The following PLCH2 variants were observed in gnomAD, a reference collection of about 807,000 sequenced individuals.
The protein encoded by PLCH2 is 1-phosphatidylinositol 4,5-bisphosphate phosphodiesterase eta-2.
PLCH2 carries 98 observed loss-of-function variants against 134.7 expected under a neutral mutation model. The observed-to-expected ratio is 0.73, with a 90% CI of 0.62 to 0.86. The LOEUF (loss-of-function observed/expected upper bound fraction) is 0.86. PLCH2 is among the 40% of genes least tolerant of loss of function. PLCH2 has a pLI of 0.00. For synonymous variants in PLCH2, 974 were observed against 827.5 expected (o/e 1.18, Z -3.04); for missense variants, 1,994 against 1,986.6 (o/e 1.00, Z -0.07).
intron 2 of PLCH2, among the ~76,000 whole-genome samples, chr1:2,450,965 G>A (rs890466139): frequency 1.3e-5 from 2 of 151,656 alleles, no homozygotes; most frequent in Non-Finnish European, 2.9e-5. Flanking sequence ...TTGTAGAGAA[G>A]GAGGGACAGC....
Position 2,487,368 on chromosome 1 carries a change from G to A in PLCH2, c.1106G>A (p.Cys369Tyr). Residue 369 changes from cysteine (C) to tyrosine (Y), a missense_variant, in exon 7 of 22, where the codon TGC becomes TAC. Coordinates refer to ENST00000378486, the MANE Select transcript of PLCH2 (RefSeq NM_014638.4). ...TGGGTCCTGCAGGCTGGCTGCCGCTGCGTGGAGGGTAAGCCCTGGACCTTG... is the reference window on the plus strand; with the variant it reads ...TGGGTCCTGCAGGCTGGCTGCCGCTACGTGGAGGGTAAGCCCTGGACCTTG... ...YAWVLQAGCR[C>Y]VEVDCWDGPD... The A allele has an allele frequency of 5.0e-6, 8 of 1,612,660 alleles. No individual in the cohort carries two copies. The highest frequency in any genetic ancestry group is 6.8e-6 in the Non-Finnish European group (8 of 1,179,410).
upstream of PLCH2, among the ~76,000 whole-genome samples, chr1:2,474,005 G>A (rs776945561): frequency 1.3e-5 from 2 of 152,154 alleles, no homozygotes; most frequent in Non-Finnish European, 2.9e-5. Flanking sequence ...GGGCCCCTGT[G>A]TGGAACCACA....
rs1469051110 is a variant in PLCH2, at chr1:2,498,416, AG to A, written c.2225-106del. 2.8e-5 allele frequency: 36 copies of A among 1,307,972 alleles called. No homozygotes were observed. Among genetic ancestry groups the A allele is most frequent in the Middle Eastern group, 5.5e-4 (2 of 3,648 alleles). 81.0% of individuals were successfully genotyped at this position (1,307,972 alleles called of 1,614,324 possible). A position where few individuals can be genotyped will look rare whatever the true frequency, so the allele number is the denominator to read the frequency against. The stretch of plus-strand genomic sequence containing the variant: ...CCTCCCTCCCCCTGGCACCGGCTCC[AG>A]TCTCCTATGTGGGGGCTGGGGAGGG... On this transcript the variant is annotated intron_variant, in intron 16 of 21. Transcript: ENST00000378486. The surrounding 1 kb of genome is among the most constrained non-coding windows in gnomAD (Gnocchi z 5.4).
At position 2,491,332 on chromosome 1, in the gene PLCH2, C is replaced by T; in HGVS notation, c.1656C>T (p.Arg552=). ...STLSPSGKLG[R]KSKAEEDVES... is the part of the protein sequence containing the mutation. ...TGTCCCCATCTGGAAAGCTCGGACG[C>T]AAGGTAGAGGCCAAAAAGGTGACAC... The change falls in exon 11 of 22, where the codon CGC becomes CGT. Residue 552 remains arginine (R), a synonymous_variant. Transcript: ENST00000378486. 1.2e-6 allele frequency: 2 copies of T among 1,612,310 alleles called. No individual in the cohort carries two copies. Among genetic ancestry groups the T allele is most frequent in the Non-Finnish European group, 1.7e-6 (2 of 1,179,514 alleles).
rs1643011700 is a variant in PLCH2 at position 2,498,387 on chromosome 1, C to G, written c.2225-136C>G. ...CCCGAGGTGCCCCCCTGGACCACTG[C>G]CTCCCTCCCTCCCCCTGGCACCGGC... On this transcript the variant is annotated intron_variant, in intron 16 of 21. Transcript: ENST00000378486. The surrounding 1 kb of genome is among the most constrained non-coding windows in gnomAD (Gnocchi z 5.4). 4 of 963,834 alleles carry G rather than the reference C, an allele frequency of 4.2e-6. No individual in the cohort carries two copies. Among genetic ancestry groups the G allele is most frequent in the Non-Finnish European group, 4.6e-6 (3 of 658,286 alleles). The allele number at this position is 963,834 out of a possible 1,614,324, so 59.7% of individuals were successfully genotyped here.
chr1:2,464,130 C>A (rs1640949588), upstream of PLCH2, among the ~76,000 whole-genome samples: 1 of 152,214 alleles, frequency 6.6e-6, no homozygotes, highest in Admixed American at 6.5e-5. Flanking sequence ...CAGGGTGCTG[C>A]CCACTGTCCA....
upstream of PLCH2, among the ~76,000 whole-genome samples, chr1:2,475,076 T>A (rs1177190604): frequency 6.6e-6 from 1 of 152,040 alleles, no homozygotes; most frequent in Non-Finnish European, 1.5e-5. Flanking sequence ...GGTGGGGGCC[T>A]GGGTTGGCTC....
rs894895969 is a variant in PLCH2, at chr1:2,502,555, G to A, written c.2959+146G>A. 5.6e-6 allele frequency: 5 copies of A among 898,544 alleles called. No individual in the cohort carries two copies. In the African/African-American group the frequency reaches 8.3e-5, roughly 15 times the overall value. 55.7% of individuals were successfully genotyped at this position (898,544 alleles called of 1,614,324 possible). ...GCGCCGGCGTGAACACCGGGGGCCT[G>A]CAGAGGGAGCGGCCACCCAGCCCGG... On this transcript the variant is annotated intron_variant, in intron 21 of 21. Coordinates refer to ENST00000378486, the MANE Select transcript of PLCH2 (RefSeq NM_014638.4).
At chr1:2,452,665 G>A (rs1159290119) in intron 2 of PLCH2, among the ~76,000 whole-genome samples, 2 of 152,222 alleles carry the variant, frequency 1.3e-5, no homozygotes, top group Admixed American at 1.3e-4. Flanking sequence ...TAATTCACAG[G>A]CCCTGGGGAC....
upstream of PLCH2, among the ~76,000 whole-genome samples, chr1:2,471,719 A>G (rs1039217476): frequency 7.9e-5 from 12 of 152,142 alleles, no homozygotes; most frequent in Non-Finnish European, 1.6e-4. Flanking sequence ...ATGGCTGGCC[A>G]TCGAGAACCT....
chr1:2,504,006 G>C lies in PLCH2; in HGVS notation c.3044G>C (p.Gly1015Ala). The stretch of plus-strand genomic sequence containing the variant: ...GCTGAGGAGCCCGCCCCAGGCCCTG[G>C]TCCCCCGCCACCAGCGGCTGTCCCC... ...TIAEEPAPGP[G>A]PPPPAAVPTS... The change falls in exon 22 of 22, where the codon GGT becomes GCT. Residue 1015 changes from glycine to alanine, a missense_variant. Coordinates refer to ENST00000378486, the MANE Select transcript of PLCH2 (RefSeq NM_014638.4). The C allele has an allele frequency of 1.3e-6, 2 of 1,525,180 alleles. No homozygotes were observed. The highest frequency in any genetic ancestry group is 2.5e-5 in the East Asian group (1 of 40,714). 94.5% of individuals were successfully genotyped at this position (1,525,180 alleles called of 1,614,324 possible). A position where few individuals can be genotyped will look rare whatever the true frequency, so the allele number is the denominator to read the frequency against.
chr1:2,424,593 A>G (rs564603478), upstream of PLCH2, among the ~76,000 whole-genome samples: 152 of 152,294 alleles, frequency 1.0e-3, no homozygotes, highest in African/African-American at 3.6e-3. Context: ...GCTCACAGCT[A>G]TAATCCCAGC....
At chr1:2,468,371 C>T (rs1254139810) in intron 1 of PLCH2, among the ~76,000 whole-genome samples, 2 of 152,270 alleles carry the variant, frequency 1.3e-5, no homozygotes, top group Admixed American at 1.3e-4. Context: ...CATTGCCCTG[C>T]GCAGACAGAG....
rs769595821 is a variant in PLCH2 at position 2,496,668 on chromosome 1, A to T, written c.1897A>T (p.Thr633Ser). The change falls in exon 14 of 22, where the codon ACC becomes TCC. Residue 633 changes from threonine to serine, a missense_variant. By Grantham distance (58) the Thr-to-Ser change is moderately conservative. This residue lies in a region of PLCH2 where 1,094 missense variants were observed against 1,234.3 expected (regional missense o/e 0.89). Coordinates refer to ENST00000378486, the MANE Select transcript of PLCH2 (RefSeq NM_014638.4). Reference protein sequence around the residue: ...SRALSDLVKYTKSVATHDIEM... With the variant: ...SRALSDLVKYSKSVATHDIEM... ...GGCCCTCTCTGACCTGGTGAAGTAC[A>T]CCAAGTCCGTGGCCACCCACGACAT... The T allele has an allele frequency of 6.2e-7, 1 of 1,612,174 alleles. No homozygotes were observed. The highest frequency in any genetic ancestry group is 8.5e-7 in the Non-Finnish European group (1 of 1,179,496).
At position 2,490,010 on chromosome 1, in the gene PLCH2, G is replaced by A. The variant is rs1034563301; in HGVS notation, c.1515+143G>A. ...GGGCAGATTCGCACAGCGGCCTGGG[G>A]CCTGGGGGGTCCTCCCTGCCCACCC... On this transcript the variant is annotated intron_variant, in intron 10 of 21. Coordinates refer to ENST00000378486, the MANE Select transcript of PLCH2 (RefSeq NM_014638.4). 1.5e-5 allele frequency: 10 copies of A among 658,544 alleles called. No homozygotes were observed. The Admixed American group carries it at 2.1e-4, about 14-fold the overall frequency. 40.8% of individuals were successfully genotyped at this position (658,544 alleles called of 1,614,324 possible). A position where few individuals can be genotyped will look rare whatever the true frequency, so the allele number is the denominator to read the frequency against.
At position 2,480,406 on chromosome 1, in the gene PLCH2, G is replaced by A. The variant is rs2100655327; in HGVS notation, c.645+94G>A. 3 of 1,408,582 alleles carry A rather than the reference G, an allele frequency of 2.1e-6. No homozygotes were observed. The East Asian group carries it at 6.9e-5, about 32-fold the overall frequency. 87.3% of individuals were successfully genotyped at this position (1,408,582 alleles called of 1,614,324 possible). ...GGAGCCTGCCAGCCCTGACTGAGCT[G>A]GAGGGGACCCTGGCAGTGCCCTCAA... On this transcript the variant is annotated intron_variant, in intron 4 of 21. Coordinates refer to ENST00000378486, the MANE Select transcript of PLCH2 (RefSeq NM_014638.4).
intron 2 of PLCH2, among the ~76,000 whole-genome samples, chr1:2,433,543 G>C (rs958984340): frequency 1.3e-5 from 2 of 152,202 alleles, no homozygotes; most frequent in African/African-American, 4.8e-5. Flanking sequence ...GGCTGGCACA[G>C]GTGGGAACGG....
Position 2,504,655 on chromosome 1 carries a change from C to G in PLCH2, c.3693C>G (p.Leu1231=), listed in dbSNP as rs777971223. The change falls in exon 22 of 22, where the codon CTC becomes CTG. Residue 1231 remains leucine (L), a synonymous_variant. Transcript: ENST00000378486. ...PRSLAPRMAG[L]PFRPPWGCLS... The stretch of plus-strand genomic sequence containing the variant: ...CCCTGGCCCCAAGGATGGCTGGCCT[C>G]CCCTTCCGGCCTCCCTGGGGCTGCC... 3.1e-6 allele frequency: 5 copies of G among 1,612,462 alleles called. No individual in the cohort carries two copies. The highest frequency in any genetic ancestry group is 1.1e-5 in the South Asian group (1 of 91,088).
At position 2,442,903 on chromosome 1, in the gene PLCH2, G is replaced by T. The variant is rs72644621; in HGVS notation, c.115+12274G>T. On this transcript the variant is annotated intron_variant, in intron 2 of 3. Transcript: ENST00000609981. The stretch of plus-strand genomic sequence containing the variant: ...GGCAGTCTCTCTTGACTTGTCTCCC[G>T]CCTCCTCCTTCATGGCTGCCTGCAG... 9.8e-3 allele frequency among the ~76,000 whole-genome samples: 1,494 copies of T among 152,312 alleles called. 15 individuals carry two copies. The highest frequency in any genetic ancestry group is 0.042 in the East Asian group (215 of 5,172).
Sources: gnomAD v4.1 joint callset for allele counts (sites outside exome capture counted in the v4.1 genomes callset) on GRCh38, gnomAD v4.1.1 for gene constraint, gnomAD v4.1.1 regional missense constraint, Gnocchi (gnomAD v3.1) non-coding constraint, MANE v1.5 for transcripts, NCBI Gene and HGNC (gene_info 2026-07-23, HGNC 2026-07-21) for gene names.